CTNNAL1: variants seen among roughly 807,000 people sequenced by gnomAD.
The protein encoded by CTNNAL1 is catenin alpha like 1.
In CTNNAL1, 69 loss-of-function variants were observed where a neutral mutation model predicts 93.6. That is an observed-to-expected ratio of 0.74 (90% CI 0.61 to 0.90). The LOEUF (loss-of-function observed/expected upper bound fraction) is 0.90, where lower values mean the gene tolerates loss of function less well. Among genes scored for constraint, CTNNAL1 ranks in the 40% least tolerant of loss-of-function variants. The pLI, the probability that CTNNAL1 is intolerant of heterozygous loss-of-function variation, is 0.00. For missense variants in CTNNAL1, 836 were observed against 862.0 expected (o/e 0.97, Z 0.38); for synonymous variants, 286 against 305.4 (o/e 0.94, Z 0.66).
chr9:108,972,871 G>A, intron 8 of CTNNAL1, 38 bp from the exon 9 acceptor site: 1 of 1,454,898 alleles, frequency 6.9e-7, no homozygotes, highest in Non-Finnish European at 9.1e-7. Flanking sequence ...TGGGAGGGTG[G>A]AGAAGGAGAA....
At chr9:108,972,868 G>GGT (rs1564132999) in intron 8 of CTNNAL1, 35 bp from the exon 9 acceptor site, 1 of 1,092,788 alleles carries the variant, frequency 9.2e-7, no homozygotes, top group Non-Finnish European at 1.2e-6. Flanking sequence ...GGGTGGGAGG[G>GGT]TGGAGAAGGA....
intron 8 of CTNNAL1, 35 bp from the exon 9 acceptor site, chr9:108,972,868 G>GGGTCCCCCGGGT: frequency 9.2e-7 from 1 of 1,092,792 alleles, no homozygotes. Flanking sequence ...GGGTGGGAGG[G>GGGTCCCCCGGGT]TGGAGAAGGA....
At chr9:108,992,412 C>T (rs902396868) in intron 3 of CTNNAL1, among the ~76,000 whole-genome samples, 5 of 148,152 alleles carry the variant, frequency 3.4e-5, no homozygotes, top group Non-Finnish European at 5.9e-5. Context: ...TTTTAAGCAA[C>T]GCTCAGACAT....
At chr9:108,998,031 TC>T (rs1338038682) in intron 2 of CTNNAL1, among the ~76,000 whole-genome samples, 4 of 152,112 alleles carry the variant, frequency 2.6e-5, no homozygotes, top group Non-Finnish European at 5.9e-5. Context: ...AGTCCAAAAT[TC>T]CCCCAAGTAT....
intron 11 of CTNNAL1, among the ~76,000 whole-genome samples, chr9:108,956,670 T>C (rs1445572097): frequency 6.6e-6 from 1 of 152,148 alleles, no homozygotes; most frequent in African/African-American, 2.4e-5. Flanking sequence ...GTAAACATAA[T>C]ATAAGAGCAC....
intron 4 of CTNNAL1, among the ~76,000 whole-genome samples, chr9:108,987,682 G>T (rs921531943): frequency 5.3e-5 from 8 of 152,110 alleles, no homozygotes; most frequent in African/African-American, 1.9e-4. Context: ...TCTTCCATTT[G>T]TTTGTATCCT....
chr9:108,972,864 G>GAAA, intron 8 of CTNNAL1, 31 bp from the exon 9 acceptor site: 1 of 142,590 alleles, frequency 7.0e-6, no homozygotes, highest in South Asian at 1.2e-4. Flanking sequence ...GGGGGGGTGG[G>GAAA]AGGGTGGAGA....
At position 108,992,752 on chromosome 9, in the gene CTNNAL1, T is replaced by C; in HGVS notation, c.399A>G (p.Thr133=). The change falls in exon 3 of 19, where the codon ACA becomes ACG. Residue 133 remains threonine, a synonymous_variant. Transcript: ENST00000325551. ...LNHLESDGQI[T]IFTDKTGVIK... ...TCACTCCTGTTTTGTCTGTAAAAAT[T>C]GTGATCTGCCCATCAGATTCCAGAT... 6.2e-7 allele frequency: 1 copy of C among 1,614,022 alleles called. No homozygotes were observed. The highest frequency in any genetic ancestry group is 8.5e-7 in the Non-Finnish European group (1 of 1,179,978).
At chr9:108,949,958 A>G (rs1830511419) in intron 14 of CTNNAL1, among the ~76,000 whole-genome samples, 1 of 148,368 alleles carries the variant, frequency 6.7e-6, no homozygotes, top group African/African-American at 2.5e-5. Flanking sequence ...CAGGAGGCGG[A>G]GGTTGCAGTG....
intron 15 of CTNNAL1, among the ~76,000 whole-genome samples, chr9:108,946,711 T>A (rs927184151): frequency 6.6e-5 from 10 of 152,234 alleles, no homozygotes; most frequent in Non-Finnish European, 1.2e-4. Context: ...TCCACAGAGC[T>A]CTGTTCTCCC....
At chr9:108,984,884 T>A (rs1481347909) in intron 4 of CTNNAL1, among the ~76,000 whole-genome samples, 1 of 152,224 alleles carries the variant, frequency 6.6e-6, no homozygotes, top group Non-Finnish European at 1.5e-5. Flanking sequence ...GTCTAATTAA[T>A]CCCATCTAAC....
intron 3 of CTNNAL1, among the ~76,000 whole-genome samples, chr9:108,991,706 G>C (rs1288963848): frequency 1.3e-5 from 2 of 152,294 alleles, no homozygotes; most frequent in African/African-American, 2.4e-5. Flanking sequence ...GGGGAAGGTT[G>C]TTTGTATTTC....
chr9:108,951,158 C>T (rs903901111), intron 14 of CTNNAL1, among the ~76,000 whole-genome samples: 8 of 151,664 alleles, frequency 5.3e-5, no homozygotes, highest in African/African-American at 1.9e-4. Context: ...TTACAGGCGC[C>T]CGCCACCACG....
chr9:108,958,762 G>T (rs1384900409), intron 11 of CTNNAL1, among the ~76,000 whole-genome samples: 3 of 151,086 alleles, frequency 2.0e-5, no homozygotes, highest in Non-Finnish European at 4.4e-5. Flanking sequence ...GTCTCACTCT[G>T]TCACCCAGGC....
intron 8 of CTNNAL1, 31 bp from the exon 9 acceptor site, chr9:108,972,864 G>GGCCCCCCC: frequency 2.9e-4 from 42 of 142,380 alleles, no homozygotes; most frequent in Non-Finnish European, 3.6e-4. Context: ...GGGGGGGTGG[G>GGCCCCCCC]AGGGTGGAGA....
At chr9:108,980,879 GT>G (rs893712857) in intron 6 of CTNNAL1, among the ~76,000 whole-genome samples, 1 of 152,000 alleles carries the variant, frequency 6.6e-6, no homozygotes, top group Admixed American at 6.6e-5. Context: ...GTTTTGTGGG[GT>G]TTTTTTAAAG....
intron 11 of CTNNAL1, 106 bp from the exon 12 acceptor site, chr9:108,955,933 C>A: frequency 1.5e-6 from 1 of 675,050 alleles, no homozygotes; most frequent in Non-Finnish European, 2.4e-6. Context: ...AATGTTAGTA[C>A]ATTAGTTTTG....
chr9:108,992,500 G>T, intron 3 of CTNNAL1, 132 bp downstream of exon 3: 1 of 1,157,730 alleles, frequency 8.6e-7, no homozygotes, highest in Non-Finnish European at 1.2e-6. Flanking sequence ...ATCCTGCATT[G>T]CACATTAATT....
intron 1 of CTNNAL1, among the ~76,000 whole-genome samples, chr9:109,008,520 C>T (rs935622422): frequency 1.3e-5 from 2 of 152,186 alleles, no homozygotes; most frequent in African/African-American, 4.8e-5. Context: ...TGCTGGGCCA[C>T]AGGTAATGCC....
Sources: allele counts gnomAD v4.1 joint callset (sites outside exome capture counted in the v4.1 genomes callset), GRCh38; gene constraint gnomAD v4.1.1; transcripts MANE v1.5; gene names NCBI Gene and HGNC (gene_info 2026-07-23, HGNC 2026-07-21).